The following HFM1 variants were observed in gnomAD, a reference collection of about 807,000 sequenced individuals.
HFM1 encodes probable ATP-dependent DNA helicase HFM1.
In HFM1, 169 loss-of-function variants were observed where a neutral mutation model predicts 192.1. That is an observed-to-expected ratio of 0.88 (90% CI 0.78 to 1.00). The LOEUF (loss-of-function observed/expected upper bound fraction) is 1.00. HFM1 is among the 50% of genes least tolerant of loss of function. The pLI, the probability that HFM1 is intolerant of heterozygous loss-of-function variation, is 0.00. For synonymous variants in HFM1, 525 were observed against 537.8 expected, an observed-to-expected ratio of 0.98 and a Z score of 0.33; for missense variants, 1,661 against 1,668.0, an observed-to-expected ratio of 1.00 and a Z score of 0.07.
At chr1:91,346,504 A>G (rs1051112540) in intron 19 of HFM1, among the ~76,000 whole-genome samples, 1 of 152,206 alleles carries the variant, frequency 6.6e-6, no homozygotes, top group African/African-American at 2.4e-5. Flanking sequence ...AGACAATTTT[A>G]CTGCTTTATC....
intron 34 of HFM1, among the ~76,000 whole-genome samples, chr1:91,272,788 G>A (rs1666436243): frequency 6.6e-6 from 1 of 151,826 alleles, no homozygotes; most frequent in Non-Finnish European, 1.5e-5. Flanking sequence ...ATCACAAGAG[G>A]TAGTGAATAC....
intron 4 of HFM1, among the ~76,000 whole-genome samples, chr1:91,391,389 G>A (rs2102117095): frequency 6.6e-6 from 1 of 152,290 alleles, no homozygotes; most frequent in Non-Finnish European, 1.5e-5. Flanking sequence ...GCATGATACT[G>A]GTACCAAAAC....
chr1:91,273,610 A>T (rs1666521205), intron 34 of HFM1, 102 bp downstream of exon 34: 1 of 595,872 alleles, frequency 1.7e-6, no homozygotes, highest in Non-Finnish European at 2.9e-6. Flanking sequence ...CAAGTTAATA[A>T]TCATAACAAT....
intron 29 of HFM1, 41 bp downstream of exon 29, chr1:91,313,916 T>C: frequency 9.3e-7 from 1 of 1,069,886 alleles, no homozygotes; most frequent in Non-Finnish European, 1.4e-6. Flanking sequence ...AATGCAATTA[T>C]ATTATTTATA....
chr1:91,292,495 G>C (rs1423380136), intron 30 of HFM1, among the ~76,000 whole-genome samples: 1 of 151,094 alleles, frequency 6.6e-6, no homozygotes, highest in African/African-American at 2.4e-5. Flanking sequence ...CAACTTACAA[G>C]GGATGTGAAG....
chr1:91,287,217 C>T (rs1328355668), intron 30 of HFM1, among the ~76,000 whole-genome samples: 1 of 152,212 alleles, frequency 6.6e-6, no homozygotes, highest in African/African-American at 2.4e-5. Context: ...AGCGCACAGG[C>T]AAACAAAAAG....
intron 23 of HFM1, among the ~76,000 whole-genome samples, chr1:91,322,429 C>T (rs1652260173): frequency 1.3e-5 from 2 of 152,184 alleles, no homozygotes; most frequent in South Asian, 4.1e-4. Context: ...AGTATCATTG[C>T]ATTTGTGACT....
At chr1:91,373,686 C>T (rs1212740109) in intron 13 of HFM1, among the ~76,000 whole-genome samples, 1 of 151,868 alleles carries the variant, frequency 6.6e-6, no homozygotes, top group African/African-American at 2.4e-5. Context: ...ATGTGATACA[C>T]CAACTCATCC....
intron 20 of HFM1, among the ~76,000 whole-genome samples, chr1:91,326,582 T>C (rs1319258544): frequency 2.6e-5 from 4 of 152,212 alleles, no homozygotes; most frequent in Non-Finnish European, 5.9e-5. Context: ...AGGGATTTCA[T>C]CAACACCAGA....
chr1:91,405,298 G>T (rs565795954), upstream of HFM1, among the ~76,000 whole-genome samples: 121 of 152,284 alleles, frequency 7.9e-4, no homozygotes, highest in African/African-American at 2.8e-3. Context: ...ATTTAAATGT[G>T]TTTAGCCAAC....
At chr1:91,405,645 A>T (rs1270225231), upstream of HFM1, among the ~76,000 whole-genome samples, 1 of 152,172 alleles carries the variant, frequency 6.6e-6, no homozygotes, top group African/African-American at 2.4e-5. Flanking sequence ...AGTGATACTC[A>T]TAAGCTCTAA....
chr1:91,310,613 G>C (rs145180192), intron 30 of HFM1, among the ~76,000 whole-genome samples: 4 of 152,160 alleles, frequency 2.6e-5, no homozygotes, highest in African/African-American at 9.7e-5. Flanking sequence ...GAATTCCCAC[G>C]TGTTGTGGAA....
In HFM1 at chr1:91,342,321, T is replaced by C. The variant is rs575808071; in HGVS notation, c.2335+1109A>G. Among the ~76,000 whole-genome samples the C allele has an allele frequency of 2.3e-4, 35 of 152,126 alleles. 1 individual carries two copies. The highest frequency in any genetic ancestry group is 1.6e-3 in the East Asian group (8 of 5,156). ...AAATGGAGCATCTTGGCTTATTGAATATTTTAAGCTGTAGGAATTTGAGAA... is the reference window on the plus strand; with the variant it reads ...AAATGGAGCATCTTGGCTTATTGAACATTTTAAGCTGTAGGAATTTGAGAA... On this transcript the variant is annotated intron_variant, in intron 20 of 38. Transcript: ENST00000370425.
chr1:91,304,633 A>T (rs1649340276), intron 30 of HFM1, among the ~76,000 whole-genome samples: 1 of 140,694 alleles, frequency 7.1e-6, no homozygotes, highest in Non-Finnish European at 1.5e-5. Flanking sequence ...CAGCCGGCTA[A>T]TTTTTTTTTT....
chr1:91,322,734 G>A (rs539553135), intron 23 of HFM1, among the ~76,000 whole-genome samples: 43 of 152,004 alleles, frequency 2.8e-4, no homozygotes, highest in Non-Finnish European at 5.1e-4. Flanking sequence ...TCATTCAACC[G>A]TCCACCTTGC....
intron 30 of HFM1, among the ~76,000 whole-genome samples, chr1:91,289,510 C>T (rs510313): frequency 0.7 from 106,216 of 151,964 alleles, 37,396 homozygotes; most frequent in East Asian, 0.84. Flanking sequence ...CCAAGGCAGG[C>T]GGCTGGGAGG....
At chr1:91,281,364 T>C (rs1317866289) in intron 30 of HFM1, among the ~76,000 whole-genome samples, 1 of 152,184 alleles carries the variant, frequency 6.6e-6, no homozygotes, top group African/African-American at 2.4e-5. Flanking sequence ...CACTCAATAG[T>C]TGAAGGGTAA....
chr1:91,359,085 C>A (rs1658126856), intron 13 of HFM1, among the ~76,000 whole-genome samples: 1 of 152,066 alleles, frequency 6.6e-6, no homozygotes, highest in Non-Finnish European at 1.5e-5. Flanking sequence ...CAAAAAAGAT[C>A]CCATAAAAAC....
chr1:91,299,380 C>T lies in HFM1; in HGVS notation c.3391+13969G>A, dbSNP rs889241727. On this transcript the variant is annotated intron_variant, in intron 30 of 38. Transcript: ENST00000370425. ...GTCAACATTAGACAGATCAACAAGA[C>T]AGAACGTTAAAAAGGATATCCAGGA... 1.1e-4 allele frequency among the ~76,000 whole-genome samples: 17 copies of T among 152,120 alleles called. 1 individual carries two copies. Among genetic ancestry groups the T allele is most frequent in the African/African-American group, 3.6e-4 (15 of 41,416 alleles).
Sources: allele counts gnomAD v4.1 joint callset (sites outside exome capture counted in the v4.1 genomes callset), GRCh38; gene constraint gnomAD v4.1.1; transcripts MANE v1.5; gene names NCBI Gene and HGNC (gene_info 2026-07-23, HGNC 2026-07-21).